The following XPR1 variants were observed in gnomAD, a reference collection of about 807,000 sequenced individuals.
XPR1 encodes xenotropic and polytropic retrovirus receptor 1.
Under a neutral mutation model 87.5 loss-of-function variants are expected in XPR1, and 28 were observed. The observed-to-expected ratio is 0.32, with a 90% CI of 0.24 to 0.44. XPR1 has a LOEUF of 0.44. Among genes scored for constraint, XPR1 ranks in the 20% least tolerant of loss-of-function variants. The pLI is 1.00. For missense variants in XPR1, 559 were observed against 862.3 expected (o/e 0.65, Z 4.41); for synonymous variants, 300 against 306.1 (o/e 0.98, Z 0.21).
chr1:180,683,252 G>A (rs1656647022), intron 2 of XPR1, among the ~76,000 whole-genome samples: 2 of 152,080 alleles, frequency 1.3e-5, no homozygotes, highest in African/African-American at 4.8e-5. Context: ...TGCTGAGAAT[G>A]ATGGTTTCCA....
intron 2 of XPR1, among the ~76,000 whole-genome samples, chr1:180,716,488 A>G (rs748338931): frequency 2.6e-5 from 4 of 152,036 alleles, no homozygotes; most frequent in Admixed American, 2.0e-4. Flanking sequence ...TTTGTATTTT[A>G]TTGATATCCA....
intron 2 of XPR1, among the ~76,000 whole-genome samples, chr1:180,727,814 A>C (rs879472340): frequency 6.6e-5 from 10 of 152,192 alleles, no homozygotes; most frequent in Admixed American, 6.5e-4. Context: ...TCTTTTTTAG[A>C]CCAGATAAGG....
intron 12 of XPR1, 66 bp from the exon 13 acceptor site, chr1:180,873,737 T>C (rs1188456465): frequency 6.4e-7 from 1 of 1,561,668 alleles, no homozygotes; most frequent in Non-Finnish European, 8.7e-7. Flanking sequence ...GGACATATGC[T>C]CATTGGTATG....
intron 1 of XPR1, among the ~76,000 whole-genome samples, chr1:180,656,377 TA>T (rs1236341456): frequency 4.2e-5 from 4 of 95,010 alleles, no homozygotes; most frequent in African/African-American, 1.1e-4. Flanking sequence ...TATTTATATA[TA>T]ATATTCATGT....
rs745527612 is a variant in XPR1 at position 180,806,216 on chromosome 1, A to T, written c.597+5A>T. 1 of 1,610,346 alleles carries T rather than the reference A, an allele frequency of 6.2e-7. No individual in the cohort carries two copies. On this transcript the variant is annotated splice_donor_5th_base_variant and intron_variant, in intron 5 of 14. Transcript: ENST00000367590. ...CAGCTTATCTCTGAAACTGAGGTAC[A>T]ATAATCTCGTTTATTTACAACGTAT...
chr1:180,776,227 AC>A (rs1648710508), intron 2 of XPR1, among the ~76,000 whole-genome samples: 1 of 152,174 alleles, frequency 6.6e-6, no homozygotes, highest in South Asian at 2.1e-4. Context: ...TTTGGAAAAT[AC>A]ATAGGCATTC....
rs556014289 is a variant in XPR1, at chr1:180,641,174, T to G, written c.69+8904T>G. ...CTTTTTGTGCTTCAGTTTCCTCATC[T>G]GTAAAACAGGGATAATAATAGTACT... On this transcript the variant is annotated intron_variant, in intron 1 of 14. Transcript: ENST00000367590. 2.6e-5 allele frequency among the ~76,000 whole-genome samples: 4 copies of G among 152,332 alleles called. No homozygotes were observed. In the South Asian group the frequency reaches 8.3e-4, roughly 32 times the overall value.
chr1:180,783,746 CT>C (rs1372929160), intron 2 of XPR1, among the ~76,000 whole-genome samples: 2 of 151,994 alleles, frequency 1.3e-5, no homozygotes, highest in South Asian at 4.2e-4. Flanking sequence ...CAGTTTGTTT[CT>C]TTTTCACTAT....
intron 2 of XPR1, among the ~76,000 whole-genome samples, chr1:180,721,281 C>T (rs924194611): frequency 6.6e-6 from 1 of 151,130 alleles, no homozygotes; most frequent in Non-Finnish European, 1.5e-5. Flanking sequence ...TTGGTGAAAT[C>T]CAGGTTGAAT....
At chr1:180,876,637 A>C (rs1239950846) in intron 13 of XPR1, among the ~76,000 whole-genome samples, 1 of 147,266 alleles carries the variant, frequency 6.8e-6, no homozygotes, top group East Asian at 1.9e-4. Context: ...CCCTGTCTCA[A>C]AAAAAAAAAA....
chr1:180,749,372 G>C (rs2102035337), intron 2 of XPR1, among the ~76,000 whole-genome samples: 1 of 152,236 alleles, frequency 6.6e-6, no homozygotes, highest in South Asian at 2.1e-4. Flanking sequence ...TAGTGAACAA[G>C]TGAAGTTATG....
chr1:180,729,696 T>A (rs1388440325), intron 2 of XPR1, among the ~76,000 whole-genome samples: 1 of 152,256 alleles, frequency 6.6e-6, no homozygotes, highest in Non-Finnish European at 1.5e-5. Context: ...CATGTGTATA[T>A]CTTCTTTTGT....
intron 3 of XPR1, among the ~76,000 whole-genome samples, chr1:180,796,996 C>T (rs1056837074): frequency 3.9e-5 from 6 of 151,946 alleles, no homozygotes; most frequent in African/African-American, 1.5e-4. Context: ...TCAGTGTTTG[C>T]CTGGGGTAGG....
intron 13 of XPR1, among the ~76,000 whole-genome samples, 193 bp from the exon 14 acceptor site, chr1:180,879,883 A>G (rs1049302928): frequency 1.2e-4 from 18 of 151,912 alleles, no homozygotes; most frequent in African/African-American, 4.1e-4. Context: ...TCCCTTTTTC[A>G]TAGTCTAGTC....
intron 3 of XPR1, among the ~76,000 whole-genome samples, chr1:180,794,315 G>A (rs1230141814): frequency 6.6e-6 from 1 of 152,176 alleles, no homozygotes; most frequent in African/African-American, 2.4e-5. Context: ...TAAAAATAAA[G>A]TATTATATCT....
intron 1 of XPR1, among the ~76,000 whole-genome samples, chr1:180,678,734 C>T (rs1446267472): frequency 1.3e-5 from 2 of 151,884 alleles, no homozygotes; most frequent in African/African-American, 4.8e-5. Context: ...ATTATTAGGC[C>T]TGGTTAGTCA....
intron 3 of XPR1, among the ~76,000 whole-genome samples, chr1:180,800,323 A>G (rs925119997): frequency 6.6e-6 from 1 of 152,222 alleles, no homozygotes; most frequent in African/African-American, 2.4e-5. Flanking sequence ...CTAGGGAAAA[A>G]GATTCAAAGT....
chr1:180,873,052 G>A (rs1041479792), intron 12 of XPR1, among the ~76,000 whole-genome samples: 1 of 151,366 alleles, frequency 6.6e-6, no homozygotes, highest in African/African-American at 2.4e-5. Context: ...TTAATACATA[G>A]TAGTTCCCCT....
intron 10 of XPR1, 134 bp from the exon 11 acceptor site, chr1:180,836,388 T>C: frequency 1.1e-6 from 1 of 885,036 alleles, no homozygotes; most frequent in South Asian, 1.8e-5. Context: ...GAGAATATAA[T>C]AGTTGCAAAG....
Sources: gnomAD v4.1 joint callset for allele counts (sites outside exome capture counted in the v4.1 genomes callset) on GRCh38, gnomAD v4.1.1 for gene constraint, MANE v1.5 for transcripts, NCBI Gene and HGNC (gene_info 2026-07-23, HGNC 2026-07-21) for gene names.